CCDC18: variants seen among roughly 807,000 people sequenced by gnomAD.
CCDC18 encodes the protein coiled-coil domain-containing protein 18.
Under a neutral mutation model 196.0 loss-of-function variants are expected in CCDC18, and 157 were observed. The observed-to-expected ratio is 0.80, with a 90% CI of 0.70 to 0.91. The LOEUF is 0.91. Among genes scored for constraint, CCDC18 ranks in the 40% least tolerant of loss-of-function variants. The pLI is 0.00. For synonymous variants in CCDC18, 482 were observed against 529.2 expected, an observed-to-expected ratio of 0.91 and a Z score of 1.22; for missense variants, 1,465 against 1,611.6, an observed-to-expected ratio of 0.91 and a Z score of 1.56.
chr1:93,205,393 G>A (rs1250241286), intron 7 of CCDC18, 117 bp from the exon 8 acceptor site: 3 of 834,642 alleles, frequency 3.6e-6, no homozygotes, highest in African/African-American at 1.7e-5. Flanking sequence ...GGACTTAAAT[G>A]TATGAAATTC....
intron 21 of CCDC18, among the ~76,000 whole-genome samples, chr1:93,243,082 C>T (rs544979056): frequency 4.5e-4 from 69 of 152,322 alleles, no homozygotes; most frequent in African/African-American, 1.5e-3. Flanking sequence ...TACCAGGCAG[C>T]GCCCCAGTGG....
chr1:93,237,318 C>G (rs903430845), intron 19 of CCDC18, among the ~76,000 whole-genome samples: 1 of 152,206 alleles, frequency 6.6e-6, no homozygotes, highest in Non-Finnish European at 1.5e-5. Context: ...TCTGTGAAGA[C>G]TGACTGCATT....
intron 27 of CCDC18, among the ~76,000 whole-genome samples, chr1:93,266,483 C>A (rs1306694635): frequency 6.6e-6 from 1 of 152,070 alleles, no homozygotes; most frequent in Non-Finnish European, 1.5e-5. Context: ...AAAAACCCTT[C>A]AAAAAATCAA....
chr1:93,214,656 T>G, intron 11 of CCDC18, 87 bp from the exon 12 acceptor site: 1 of 887,664 alleles, frequency 1.1e-6, no homozygotes, highest in Non-Finnish European at 1.7e-6. Context: ...AAACTAAACT[T>G]TGTTTATGAC....
chr1:93,189,835 G>C (rs1295596550), intron 4 of CCDC18, among the ~76,000 whole-genome samples: 2 of 151,788 alleles, frequency 1.3e-5, no homozygotes, highest in East Asian at 1.9e-4. Context: ...GCTAGTTTTT[G>C]TATTGTCTTT....
intron 13 of CCDC18, among the ~76,000 whole-genome samples, 187 bp downstream of exon 13, chr1:93,216,933 C>CTTTT: frequency 1.0e-5 from 1 of 95,348 alleles, no homozygotes; most frequent in Admixed American, 9.3e-5. Flanking sequence ...TCCAAGTTTT[C>CTTTT]TCTTTTTTTT....
intron 13 of CCDC18, 117 bp downstream of exon 13, chr1:93,216,863 A>G (rs1369065268): frequency 7.1e-6 from 4 of 565,914 alleles, no homozygotes; most frequent in Non-Finnish European, 1.2e-5. Context: ...AAATTCTACT[A>G]AACTCTTCTG....
chr1:93,207,084 TTTTTATTCTCTTTTC>T lies in CCDC18; in HGVS notation c.918-20_918-6del. The stretch of plus-strand genomic sequence containing the variant: ...TGAATGCATATATATTTTATTTTCA[TTTTTATTCTCTTTTC>T]TTCATAGGCAGTTAAAAGAAGAAAA... On this transcript the variant is annotated splice_polypyrimidine_tract_variant and splice_region_variant and intron_variant, in intron 8 of 28. Coordinates refer to ENST00000690025, the MANE Select transcript of CCDC18 (RefSeq NM_001378204.1). The T allele has an allele frequency of 1.5e-6, 2 of 1,294,514 alleles. No homozygotes were observed. The highest frequency in any genetic ancestry group is 3.1e-5 in the South Asian group (2 of 63,822). 80.2% of individuals were successfully genotyped at this position (1,294,514 alleles called of 1,614,324 possible). A position where few individuals can be genotyped will look rare whatever the true frequency, so the allele number is the denominator to read the frequency against.
intron 3 of CCDC18, among the ~76,000 whole-genome samples, chr1:93,184,968 G>T (rs1261985375): frequency 6.6e-6 from 1 of 151,556 alleles, no homozygotes; most frequent in Admixed American, 6.6e-5. Flanking sequence ...TGCCTTAATT[G>T]GGAAAACAAT....
At chr1:93,217,453 C>CT (rs199948956) in intron 13 of CCDC18, among the ~76,000 whole-genome samples, 90 of 151,396 alleles carry the variant, frequency 5.9e-4, no homozygotes, top group South Asian at 2.9e-3. Context: ...TTCAATTATA[C>CT]TTTTTTTTTG....
rs531579920 is a variant in CCDC18 at position 93,268,216 on chromosome 1, T to C, written c.3886-2131T>C. Among the ~76,000 whole-genome samples the C allele has an allele frequency of 1.2e-3, 178 of 152,344 alleles. 1 individual carries two copies. Among genetic ancestry groups the C allele is most frequent in the African/African-American group, 4.1e-3 (169 of 41,564 alleles). On this transcript the variant is annotated intron_variant, in intron 27 of 28. Coordinates refer to ENST00000690025, the MANE Select transcript of CCDC18 (RefSeq NM_001378204.1). ...AATAAATGGTGCTGGAAAAACTGGC[T>C]AGCCATATGTAGAAAGGTGAAACTG...
chr1:93,254,941 CTTTTTTTTTT>C (rs34139452), intron 24 of CCDC18, among the ~76,000 whole-genome samples: 7 of 44,268 alleles, frequency 1.6e-4, no homozygotes, highest in African/African-American at 5.0e-4. Context: ...GAGGAGTCAG[CTTTTTTTTTT>C]TTTTTTTTTT....
chr1:93,198,479 AG>A (rs1266305625), intron 6 of CCDC18, among the ~76,000 whole-genome samples: 1 of 152,214 alleles, frequency 6.6e-6, no homozygotes, highest in Non-Finnish European at 1.5e-5. Flanking sequence ...TTCACTGGGA[AG>A]GTACACAGGG....
intron 1 of CCDC18, among the ~76,000 whole-genome samples, chr1:93,181,104 C>T (rs1442432882): frequency 6.9e-6 from 1 of 145,362 alleles, no homozygotes; most frequent in Non-Finnish European, 1.5e-5. Flanking sequence ...ATTGCTTGAG[C>T]CCAGGAGTTC....
chr1:93,186,463 T>A lies in CCDC18; in HGVS notation c.422T>A (p.Phe141Tyr), dbSNP rs770677566. 3 of 1,611,124 alleles carry A rather than the reference T, an allele frequency of 1.9e-6. No homozygotes were observed. In the East Asian group the frequency reaches 6.7e-5, roughly 36 times the overall value. ...VTQNHSLMTK[F>Y]ESIHFELTQS... ...CAGAATCATTCCTTAATGACTAAAT[T>A]TGAATCTATTCACTTTGAATTAACA... is the stretch of plus-strand genomic sequence containing the variant. Residue 141 changes from phenylalanine (F) to tyrosine (Y), a missense_variant, in exon 4 of 29, where the codon TTT becomes TAT. Phe to Tyr is a conservative substitution (Grantham distance 22). Coordinates refer to ENST00000690025, the MANE Select transcript of CCDC18 (RefSeq NM_001378204.1).
Position 93,184,004 on chromosome 1 carries a change from A to T in CCDC18, c.161A>T (p.Tyr54Phe). ...SSVSPSENSD[Y>F]APNPSRSEKL... Reference sequence around the variant, plus strand: ...GTTAGTCCAAGTGAAAATTCTGATTATGCCCCTAATCCTTCAAGGTCTGAA... The same window carrying T: ...GTTAGTCCAAGTGAAAATTCTGATTTTGCCCCTAATCCTTCAAGGTCTGAA... Residue 54 changes from tyrosine to phenylalanine, a missense_variant, in exon 3 of 29, where the codon TAT becomes TTT. Transcript: ENST00000690025. 1 of 1,554,374 alleles carries T rather than the reference A, an allele frequency of 6.4e-7. No homozygotes were observed. Among genetic ancestry groups the T allele is most frequent in the Non-Finnish European group, 8.7e-7 (1 of 1,145,112 alleles).
intron 18 of CCDC18, among the ~76,000 whole-genome samples, chr1:93,234,885 G>A (rs903346245): frequency 1.3e-5 from 2 of 149,324 alleles, no homozygotes; most frequent in Non-Finnish European, 3.0e-5. Context: ...CTGGGCTCAG[G>A]TGATTTTCCC....
chr1:93,271,200 A>G (rs1665231097), intron 28 of CCDC18: 1 of 985,288 alleles, frequency 1.0e-6, no homozygotes. Context: ...TTTACTGTTC[A>G]TTTGGGCTCT....
In CCDC18 at chr1:93,217,880, C is replaced by A; in HGVS notation, c.1962+11C>A. 6.3e-7 allele frequency: 1 copy of A among 1,594,162 alleles called. No homozygotes were observed. The highest frequency in any genetic ancestry group is 8.6e-7 in the Non-Finnish European group (1 of 1,168,014). Reference sequence around the variant, plus strand: ...AAGCAGATTGAAAGAGTAAGTAATACATATTTAGAATATGAGTGCTGAAAA... The same window carrying A: ...AAGCAGATTGAAAGAGTAAGTAATAAATATTTAGAATATGAGTGCTGAAAA... On this transcript the variant is annotated intron_variant, in intron 14 of 28. Coordinates refer to ENST00000690025, the MANE Select transcript of CCDC18 (RefSeq NM_001378204.1).
Sources: gnomAD v4.1 joint callset for allele counts (sites outside exome capture counted in the v4.1 genomes callset) on GRCh38, gnomAD v4.1.1 for gene constraint, MANE v1.5 for transcripts, NCBI Gene and HGNC (gene_info 2026-07-23, HGNC 2026-07-21) for gene names.